NDUFAF6: variants seen among roughly 807,000 people sequenced by gnomAD.
NDUFAF6 encodes the protein NADH dehydrogenase (ubiquinone) complex I, assembly factor 6.
In NDUFAF6, 45 loss-of-function variants were observed where a neutral mutation model predicts 40.8. The ratio of observed to expected loss-of-function variants is 1.10; its 90% CI spans 0.87 to 1.42. The LOEUF is 1.42. Among genes scored for constraint, NDUFAF6 ranks in the 40% most tolerant of loss-of-function variants. NDUFAF6 has a pLI of 0.00. For missense variants in NDUFAF6, 435 were observed against 418.5 expected (o/e 1.04, Z -0.34); for synonymous variants, 185 against 155.9 (o/e 1.19, Z -1.39).
chr8:95,061,923 C>T (rs575968619), downstream of NDUFAF6, among the ~76,000 whole-genome samples: 3 of 151,910 alleles, frequency 2.0e-5, no homozygotes, highest in Non-Finnish European at 2.9e-5. Flanking sequence ...TTTAGGAGGC[C>T]GAGGCAGGTG....
At chr8:94,915,698 G>A (rs1374585809) in intron 1 of NDUFAF6, among the ~76,000 whole-genome samples, 1 of 152,218 alleles carries the variant, frequency 6.6e-6, no homozygotes, top group Non-Finnish European at 1.5e-5. Flanking sequence ...CTGTGTCAGT[G>A]TTTCCTCTTC....
At chr8:95,101,581 G>A (rs982308725) in intron 2 of NDUFAF6, among the ~76,000 whole-genome samples, 5 of 152,116 alleles carry the variant, frequency 3.3e-5, no homozygotes, top group Non-Finnish European at 7.4e-5. Flanking sequence ...GTCATCATAT[G>A]ACAAATTATA....
At chr8:95,084,359 A>G (rs1339109864) in intron 2 of NDUFAF6, among the ~76,000 whole-genome samples, 2 of 152,158 alleles carry the variant, frequency 1.3e-5, no homozygotes, top group African/African-American at 4.8e-5. Context: ...CTACTACCAC[A>G]TCTTTTAAAA....
chr8:94,930,669 G>T, intron 1 of NDUFAF6: 1 of 1,614,202 alleles, frequency 6.2e-7, no homozygotes. Context: ...AGTTGTATGA[G>T]CAGCAAGAGC....
At chr8:95,022,147 A>G (rs1183858075), upstream of NDUFAF6, among the ~76,000 whole-genome samples, 2 of 152,198 alleles carry the variant, frequency 1.3e-5, no homozygotes, top group East Asian at 3.8e-4. Flanking sequence ...ATAATGCTGT[A>G]ATTAAAAATG....
intron 2 of NDUFAF6, among the ~76,000 whole-genome samples, chr8:95,082,748 C>A (rs531377564): frequency 2.2e-4 from 34 of 151,848 alleles, no homozygotes; most frequent in Non-Finnish European, 4.0e-4. Context: ...CAAGCTCCGC[C>A]TCCCGGGTTC....
chr8:95,098,726 A>G (rs896116691), upstream of NDUFAF6, among the ~76,000 whole-genome samples: 1 of 152,148 alleles, frequency 6.6e-6, no homozygotes, highest in African/African-American at 2.4e-5. Context: ...TTGCAAAAGT[A>G]CTGGATCTAA....
intron 2 of NDUFAF6, among the ~76,000 whole-genome samples, chr8:94,989,834 C>G (rs1826117086): frequency 2.0e-5 from 3 of 152,172 alleles, no homozygotes; most frequent in Admixed American, 1.3e-4. Context: ...TCAAGCGATC[C>G]TCCTACATCA....
chr8:94,988,787 C>G (rs532839311), intron 2 of NDUFAF6: 3 of 152,342 alleles, frequency 2.0e-5, no homozygotes, highest in South Asian at 2.1e-4. Flanking sequence ...ATTAAACACA[C>G]CATCTACTGA....
intron 2 of NDUFAF6, among the ~76,000 whole-genome samples, chr8:95,032,736 CAG>C (rs1451142050): frequency 1.3e-4 from 20 of 152,236 alleles, no homozygotes; most frequent in African/African-American, 4.8e-4. Flanking sequence ...GGAGAGGATT[CAG>C]AGTCTTGAAG....
At chr8:94,919,690 C>A (rs1445057520) in intron 1 of NDUFAF6, among the ~76,000 whole-genome samples, 1 of 152,180 alleles carries the variant, frequency 6.6e-6, no homozygotes, top group Non-Finnish European at 1.5e-5. Flanking sequence ...CCCCTGGTGG[C>A]ACTGAACATT....
chr8:94,899,717 C>T (rs1817891759), intron 1 of NDUFAF6, among the ~76,000 whole-genome samples: 1 of 152,192 alleles, frequency 6.6e-6, no homozygotes, highest in African/African-American at 2.4e-5. Context: ...TGCCTTAGTT[C>T]AGGACACCAT....
chr8:95,061,113 C>T (rs148562263), downstream of NDUFAF6, among the ~76,000 whole-genome samples: 131 of 152,134 alleles, frequency 8.6e-4, no homozygotes, highest in African/African-American at 2.9e-3. Context: ...GGCCAGGAAA[C>T]GGAATGGATG....
chr8:95,098,995 C>T (rs1809566159), upstream of NDUFAF6, among the ~76,000 whole-genome samples: 1 of 151,982 alleles, frequency 6.6e-6, no homozygotes, highest in African/African-American at 2.4e-5. Context: ...AATCCCAGCA[C>T]TTTGGGAGGC....
chr8:95,004,159 G>A (rs1477998083), intron 2 of NDUFAF6, among the ~76,000 whole-genome samples: 6 of 152,062 alleles, frequency 3.9e-5, no homozygotes, highest in Admixed American at 2.0e-4. Context: ...TTTGAGCAGA[G>A]GAGGATGCCA....
At chr8:95,067,732 T>C (rs1056860531) in intron 9 of NDUFAF6, 2 of 151,964 alleles carry the variant, frequency 1.3e-5, no homozygotes, top group African/African-American at 4.9e-5. Context: ...GTCCTGACTC[T>C]CCACTTGGCC....
intron 8 of NDUFAF6, among the ~76,000 whole-genome samples, chr8:95,054,700 G>T (rs1328692129): frequency 6.6e-6 from 1 of 151,940 alleles, no homozygotes; most frequent in Non-Finnish European, 1.5e-5. Context: ...CTCCCACAGT[G>T]CTGGGATTAC....
rs1828184577 is a variant in NDUFAF6 at position 95,026,691 on chromosome 8, CT to C, written c.197+1489del. Among the ~76,000 whole-genome samples the C allele has an allele frequency of 2.6e-5, 4 of 152,282 alleles. No individual in the cohort carries two copies. In the South Asian group the frequency reaches 8.3e-4, roughly 32 times the overall value. ...CACCCAATAGCCGCTAGTGTCATAA[CT>C]TTGCAGAGATAATCACTTTTAAAAA... On this transcript the variant is annotated intron_variant, in intron 1 of 8. Transcript: ENST00000396124.
chr8:94,961,927 A>G (rs1195916038), intron 1 of NDUFAF6, among the ~76,000 whole-genome samples: 1 of 152,188 alleles, frequency 6.6e-6, no homozygotes, highest in Admixed American at 6.5e-5. Context: ...ACAGATTGCC[A>G]GGGCCCGTCT....
Sources: gnomAD v4.1 joint callset for allele counts (sites outside exome capture counted in the v4.1 genomes callset) on GRCh38, gnomAD v4.1.1 for gene constraint, MANE v1.5 for transcripts, NCBI Gene and HGNC (gene_info 2026-07-23, HGNC 2026-07-21) for gene names.